The following DISP3 variants were observed in gnomAD, a reference collection of about 807,000 sequenced individuals.
DISP3 encodes dispatched RND transporter family member 3.
Under a neutral mutation model 135.3 loss-of-function variants are expected in DISP3, and 101 were observed. That is an observed-to-expected ratio of 0.75 (90% CI 0.64 to 0.88). The LOEUF (loss-of-function observed/expected upper bound fraction) is 0.88, where lower values mean the gene tolerates loss of function less well. DISP3 is among the 40% of genes least tolerant of loss of function. The probability of loss-of-function intolerance (pLI) is 0.00; values close to 1 mark genes in which losing one functional copy is unlikely to be tolerated. For missense variants in DISP3, 1,713 were observed against 1,878.6 expected (o/e 0.91, Z 1.63); for synonymous variants, 856 against 817.0 (o/e 1.05, Z -0.81).
chr1:11,511,053 C>T (rs995922645), intron 3 of DISP3, among the ~76,000 whole-genome samples: 9 of 152,260 alleles, frequency 5.9e-5, no homozygotes, highest in South Asian at 2.1e-4. Context: ...AAAGACCAGC[C>T]GCCATGATTC....
intron 13 of DISP3, among the ~76,000 whole-genome samples, chr1:11,528,098 T>G (rs1018163174): frequency 1.3e-5 from 2 of 152,216 alleles, no homozygotes; most frequent in African/African-American, 2.4e-5. Flanking sequence ...ATGAGTACAC[T>G]CCACACTTCC....
intron 20 of DISP3, among the ~76,000 whole-genome samples, chr1:11,535,958 A>C (rs995233318): frequency 6.6e-6 from 1 of 152,146 alleles, no homozygotes; most frequent in Non-Finnish European, 1.5e-5. Flanking sequence ...CACGACCCAG[A>C]GGCCACAAGT....
At position 11,499,177 on chromosome 1, in the gene DISP3, G is replaced by C. The variant is rs1641429089; in HGVS notation, c.-3-1813G>C. ...AAGGGGCCTTCAGATCACCCAAGGA[G>C]TGTTGCTGTGACCCAGAATCCTGGC... On this transcript the variant is annotated intron_variant, in intron 1 of 20. Coordinates refer to ENST00000294484, the MANE Select transcript of DISP3 (RefSeq NM_020780.2). This position sits in a 1 kb window ranked among gnomAD's most constrained non-coding sequence, Gnocchi z 5.2. Among the ~76,000 whole-genome samples, 1 of 152,190 alleles carries C rather than the reference G, an allele frequency of 6.6e-6. No individual in the cohort carries two copies. The highest frequency in any genetic ancestry group is 1.5e-5 in the Non-Finnish European group (1 of 68,040).
rs575275995 is a variant in DISP3 at position 11,530,216 on chromosome 1, G to C, written c.3102+257G>C. ...GATGCCTGTGAGGGACTGGAATGGAGAGAGGGCAATCCAGGTGGACACCTC... is the reference window on the plus strand; with the variant it reads ...GATGCCTGTGAGGGACTGGAATGGACAGAGGGCAATCCAGGTGGACACCTC... On this transcript the variant is annotated intron_variant, in intron 15 of 20. Coordinates refer to ENST00000294484, the MANE Select transcript of DISP3 (RefSeq NM_020780.2). Among the ~76,000 whole-genome samples, 4 of 152,342 alleles carry C rather than the reference G, an allele frequency of 2.6e-5. No homozygotes were observed. The East Asian group carries it at 7.7e-4, about 29-fold the overall frequency.
chr1:11,500,822 C>T (rs974980700), intron 1 of DISP3, among the ~76,000 whole-genome samples, 168 bp from the exon 2 acceptor site: 3 of 152,098 alleles, frequency 2.0e-5, no homozygotes, highest in Non-Finnish European at 4.4e-5. Context: ...TATTTTTTAC[C>T]GGTGGTTTAA....
chr1:11,531,599 C>A lies in DISP3; in HGVS notation c.3264C>A (p.His1088Gln). 1 of 1,613,606 alleles carries A rather than the reference C, an allele frequency of 6.2e-7. No homozygotes were observed. Among genetic ancestry groups the A allele is most frequent in the Non-Finnish European group, 8.5e-7 (1 of 1,179,984 alleles). The part of the protein sequence containing the change: ...YSISSFLQML[H>Q]PECKELPEPN... ...TCTCCTCCTTCCTGCAGATGTTGCA[C>A]CCTGAGTGCAAGGAGCTGCCCGAGC... Residue 1088 changes from histidine to glutamine, a missense_variant, in exon 17 of 21, where the codon CAC (histidine) becomes CAA (glutamine). Transcript: ENST00000294484. The surrounding 1 kb of genome is among the most constrained non-coding windows in gnomAD (Gnocchi z 5.2).
intron 1 of DISP3, among the ~76,000 whole-genome samples, chr1:11,488,637 C>CTGTG (rs5772457): frequency 0.063 from 9,241 of 146,282 alleles, 333 homozygotes; most frequent in African/African-American, 0.087. Flanking sequence ...GGCAGATGCT[C>CTGTG]TGTGTGTGTG....
At chr1:11,514,603 A>G in intron 4 of DISP3, 77 bp downstream of exon 4, 1 of 1,506,366 alleles carries the variant, frequency 6.6e-7, no homozygotes, top group Non-Finnish European at 9.1e-7. Context: ...CTTCTCAAGA[A>G]TGCTGCAATA....
At chr1:11,526,603 G>A in intron 12 of DISP3, 48 bp from the exon 13 acceptor site, 1 of 1,582,412 alleles carries the variant, frequency 6.3e-7, no homozygotes. Context: ...CCAGGCCGAG[G>A]CAGCCCCCCC....
At chr1:11,509,988 A>G (rs554412177) in intron 3 of DISP3, among the ~76,000 whole-genome samples, 9 of 152,184 alleles carry the variant, frequency 5.9e-5, no homozygotes, top group African/African-American at 1.7e-4. Flanking sequence ...AGTCCAAGCT[A>G]TTGGGGAGGC....
intron 3 of DISP3, among the ~76,000 whole-genome samples, chr1:11,506,080 C>T (rs1208622931): frequency 1.3e-5 from 2 of 152,212 alleles, no homozygotes; most frequent in African/African-American, 4.8e-5. Flanking sequence ...GATGTCACTC[C>T]ATTGTCTTCT....
At chr1:11,512,016 G>A (rs949907110) in intron 3 of DISP3, among the ~76,000 whole-genome samples, 4 of 152,298 alleles carry the variant, frequency 2.6e-5, no homozygotes, top group South Asian at 4.1e-4. Flanking sequence ...CAGCTGGAGC[G>A]GCTGGGACAC....
In DISP3 at chr1:11,501,584, A is replaced by G. The variant is rs769299495; in HGVS notation, c.592A>G (p.Asn198Asp). Residue 198 changes from asparagine to aspartate, a missense_variant, in exon 2 of 21, where the codon AAT becomes GAT. By Grantham distance (23) the Asn-to-Asp change is conservative. Around this residue, in one of 2 missense-constraint regions of DISP3, gnomAD observed 571 missense variants for 494.1 expected, o/e 1.16. Coordinates refer to ENST00000294484, the MANE Select transcript of DISP3 (RefSeq NM_020780.2). This position sits in a 1 kb window ranked among gnomAD's most constrained non-coding sequence, Gnocchi z 4.9. Reference protein sequence around the residue: ...DTSAAQKPTANRSGRLRRETP... With the variant: ...DTSAAQKPTADRSGRLRRETP... The stretch of plus-strand genomic sequence containing the variant: ...TTCCGCGGCTCAAAAGCCCACAGCC[A>G]ATCGGAGCGGGCGACTTCGGCGTGA... 3.1e-6 allele frequency: 5 copies of G among 1,594,568 alleles called. No homozygotes were observed. The highest frequency in any genetic ancestry group is 4.3e-6 in the Non-Finnish European group (5 of 1,168,790).
At chr1:11,490,145 C>T (rs896482763) in intron 1 of DISP3, among the ~76,000 whole-genome samples, 2 of 152,062 alleles carry the variant, frequency 1.3e-5, no homozygotes, top group Admixed American at 6.5e-5. Context: ...GTGGTCTGGA[C>T]GGATTGGCCA....
intron 6 of DISP3, 129 bp from the exon 7 acceptor site, chr1:11,517,334 G>A (rs1341589743): frequency 4.8e-6 from 6 of 1,239,986 alleles, no homozygotes; most frequent in Non-Finnish European, 6.9e-6. Flanking sequence ...TGGCAGCCTG[G>A]GCCTCCTCCT....
intron 1 of DISP3, among the ~76,000 whole-genome samples, chr1:11,494,328 T>TTGAACTAGCTGGGC (rs1641270039): frequency 6.6e-6 from 1 of 152,236 alleles, no homozygotes. Flanking sequence ...AGTTTCTGCA[T>TTGAACTAGCTGGGC]TGAACTAGCT....
intron 3 of DISP3, among the ~76,000 whole-genome samples, chr1:11,505,180 T>G (rs564742451): frequency 6.6e-6 from 1 of 152,358 alleles, no homozygotes; most frequent in Admixed American, 6.5e-5. Flanking sequence ...TTCAGGTGAT[T>G]TGTTTGCACA....
chr1:11,497,475 G>A (rs532009745), intron 1 of DISP3, among the ~76,000 whole-genome samples: 14 of 151,888 alleles, frequency 9.2e-5, no homozygotes, highest in Non-Finnish European at 1.5e-4. Context: ...TGCAAGCTCC[G>A]CCTCCCAGGT....
Position 11,519,963 on chromosome 1 carries a change from C to A in DISP3, c.2200+83C>A. ...GGAACTGGGAGCCCACCCCCTCTCG[C>A]AGATGCCCCAGGGTCAGAGGCCTGG... On this transcript the variant is annotated intron_variant, in intron 9 of 20. Transcript: ENST00000294484. The surrounding 1 kb of genome is among the most constrained non-coding windows in gnomAD (Gnocchi z 4.3). 1 of 1,389,002 alleles carries A rather than the reference C, an allele frequency of 7.2e-7. No individual in the cohort carries two copies. Among genetic ancestry groups the A allele is most frequent in the Non-Finnish European group, 9.8e-7 (1 of 1,018,514 alleles). The allele number at this position is 1,389,002 out of a possible 1,614,324, so 86.0% of individuals were successfully genotyped here.
Sources: allele counts gnomAD v4.1 joint callset (sites outside exome capture counted in the v4.1 genomes callset), GRCh38; gene constraint gnomAD v4.1.1; regional missense constraint gnomAD v4.1.1; non-coding constraint Gnocchi (gnomAD v3.1); transcripts MANE v1.5; gene names NCBI Gene and HGNC (gene_info 2026-07-23, HGNC 2026-07-21).